ROBO2: variants seen among roughly 807,000 people sequenced by gnomAD.
ROBO2 encodes the protein roundabout homolog 2.
A neutral mutation model predicts 160.8 loss-of-function variants in ROBO2; 53 were observed. The observed-to-expected ratio is 0.33, with a 90% CI of 0.26 to 0.41. The LOEUF (loss-of-function observed/expected upper bound fraction) is 0.41. ROBO2 is among the 10% of genes least tolerant of loss of function. The pLI, the probability that ROBO2 is intolerant of heterozygous loss-of-function variation, is 1.00. For missense variants in ROBO2, 1,577 were observed against 1,722.4 expected (o/e 0.92, Z 1.49); for synonymous variants, 664 against 611.7 (o/e 1.09, Z -1.26).
intron 2 of ROBO2, among the ~76,000 whole-genome samples, chr3:77,401,478 G>A (rs1372017604): frequency 1.3e-5 from 2 of 152,078 alleles, no homozygotes; most frequent in African/African-American, 4.8e-5. Context: ...ATTAGATTTT[G>A]CACTGTACAT....
At chr3:77,194,793 A>G (rs2082167494) in intron 2 of ROBO2, among the ~76,000 whole-genome samples, 1 of 152,158 alleles carries the variant, frequency 6.6e-6, no homozygotes, top group South Asian at 2.1e-4. Context: ...AAATTGCATT[A>G]TTGGGTTATT....
intron 2 of ROBO2, among the ~76,000 whole-genome samples, chr3:76,333,344 A>T (rs1282535715): frequency 1.3e-5 from 2 of 152,176 alleles, no homozygotes; most frequent in Admixed American, 1.3e-4. Flanking sequence ...CCCTTCTGCA[A>T]GTGTACGCAG....
Position 76,513,996 on chromosome 3 carries a change from C to T in ROBO2, c.109+576394C>T, listed in dbSNP as rs563717568. Among the ~76,000 whole-genome samples, 12 of 152,258 alleles carry T rather than the reference C, an allele frequency of 7.9e-5. No homozygotes were observed. In the South Asian group the frequency reaches 2.1e-3, roughly 26 times the overall value. ...GGTGTTCAAATTTCCCCAAATGTCT[C>T]ATAAATATATGATTAGAATTGATGT... is the stretch of plus-strand genomic sequence containing the variant. On this transcript the variant is annotated intron_variant, in intron 2 of 26. Transcript: ENST00000487694.
rs75922169 is a variant in ROBO2, at chr3:76,203,662, G to A, written c.109+266060G>A. 1.4e-3 allele frequency among the ~76,000 whole-genome samples: 10 copies of A among 7,200 alleles called. No individual in the cohort carries two copies. In the South Asian group the frequency reaches 0.068, roughly 49 times the overall value. 4.7% of individuals were successfully genotyped at this position (7,200 alleles called of 152,430 possible). ...GATTGCCTCAGGCTATCGGCTTCCC[G>A]GTCAACAGATCACAGGTCACGGTTC... is the stretch of plus-strand genomic sequence containing the variant. On this transcript the variant is annotated intron_variant, in intron 2 of 26. Coordinates refer to the ROBO2 transcript ENST00000487694.
chr3:76,444,674 G>C (rs188153401), intron 2 of ROBO2, among the ~76,000 whole-genome samples: 1 of 152,094 alleles, frequency 6.6e-6, no homozygotes, highest in Non-Finnish European at 1.5e-5. Flanking sequence ...CCTTCCACTA[G>C]GTCTCTCCCT....
At chr3:77,213,286 T>G (rs898230472) in intron 2 of ROBO2, among the ~76,000 whole-genome samples, 1 of 152,176 alleles carries the variant, frequency 6.6e-6, no homozygotes, top group Non-Finnish European at 1.5e-5. Context: ...GAGATTCAAC[T>G]TCTTCCTGGT....
At chr3:75,985,916 G>C (rs901210271) in intron 2 of ROBO2, among the ~76,000 whole-genome samples, 2 of 151,414 alleles carry the variant, frequency 1.3e-5, no homozygotes, top group Non-Finnish European at 3.0e-5. Flanking sequence ...TTTTATTTGT[G>C]TACACCACAT....
chr3:77,293,016 T>G (rs1303129533), intron 2 of ROBO2, among the ~76,000 whole-genome samples: 1 of 147,620 alleles, frequency 6.8e-6, no homozygotes, highest in South Asian at 2.2e-4. Context: ...TGAGGCTAGA[T>G]CACCAAAGAC....
chr3:76,210,923 A>G (rs1212508551), intron 2 of ROBO2, among the ~76,000 whole-genome samples: 3 of 152,106 alleles, frequency 2.0e-5, no homozygotes, highest in African/African-American at 4.8e-5. Flanking sequence ...TGCACCTTCT[A>G]AAGTAATTAT....
intron 2 of ROBO2, among the ~76,000 whole-genome samples, chr3:76,039,174 G>A (rs898377773): frequency 6.6e-6 from 1 of 151,994 alleles, no homozygotes; most frequent in African/African-American, 2.4e-5. Flanking sequence ...AGAGAAGGAT[G>A]CGGTACAGTT....
intron 2 of ROBO2, among the ~76,000 whole-genome samples, chr3:76,510,019 C>T (rs1191791270): frequency 6.6e-6 from 1 of 152,084 alleles, no homozygotes; most frequent in Non-Finnish European, 1.5e-5. Context: ...CTTTTCTGCA[C>T]ATGCCCAGAT....
chr3:77,375,170 C>T (rs979761286), intron 2 of ROBO2, among the ~76,000 whole-genome samples: 10 of 152,238 alleles, frequency 6.6e-5, no homozygotes, highest in Non-Finnish European at 1.3e-4. Context: ...TATGATTGTG[C>T]TACTGTACCC....
chr3:77,482,013 G>A lies in ROBO2; in HGVS notation c.667+794G>A, dbSNP rs6770613. 5.9e-3 allele frequency among the ~76,000 whole-genome samples: 902 copies of A among 152,184 alleles called. 14 individuals carry two copies. Among genetic ancestry groups the A allele is most frequent in the African/African-American group, 0.021 (857 of 41,528 alleles). Reference sequence around the variant, plus strand: ...TACTCAAAAATGAAACACTCTTTTAGAATACATTCTATTTAAATTCTATTT... The same window carrying A: ...TACTCAAAAATGAAACACTCTTTTAAAATACATTCTATTTAAATTCTATTT... On this transcript the variant is annotated intron_variant, in intron 4 of 25. Transcript: ENST00000461745.
intron 2 of ROBO2, among the ~76,000 whole-genome samples, chr3:76,281,177 G>C (rs1224129826): frequency 6.6e-6 from 1 of 151,530 alleles, no homozygotes; most frequent in Non-Finnish European, 1.5e-5. Flanking sequence ...TCCACATGTG[G>C]GAATACTACC....
At chr3:76,345,647 G>A (rs1487148120) in intron 2 of ROBO2, among the ~76,000 whole-genome samples, 1 of 151,634 alleles carries the variant, frequency 6.6e-6, no homozygotes, top group Non-Finnish European at 1.5e-5. Flanking sequence ...AGTTTTGTAG[G>A]AGAAATGAAT....
Position 76,375,952 on chromosome 3 carries a change from C to T in ROBO2, c.109+438350C>T, listed in dbSNP as rs191432876. On this transcript the variant is annotated intron_variant, in intron 2 of 26. Coordinates refer to the ROBO2 transcript ENST00000487694. ...ATATTTGAATCATTTATCTTCTATG[C>T]CCTTCATAGGTACTTGGATTCTGTT... is the stretch of plus-strand genomic sequence containing the variant. Among the ~76,000 whole-genome samples the T allele has an allele frequency of 5.3e-5, 8 of 152,038 alleles. No homozygotes were observed. In the East Asian group the frequency reaches 1.6e-3, roughly 30 times the overall value.
chr3:76,374,118 T>C (rs1435750943), intron 2 of ROBO2, among the ~76,000 whole-genome samples: 2 of 151,966 alleles, frequency 1.3e-5, no homozygotes, highest in African/African-American at 4.8e-5. Context: ...AAAGCCAGTC[T>C]GAAGACAAAC....
At chr3:76,044,834 GTC>G (rs2067398136) in intron 2 of ROBO2, among the ~76,000 whole-genome samples, 4 of 152,062 alleles carry the variant, frequency 2.6e-5, no homozygotes, top group African/African-American at 9.7e-5. Context: ...TAGGTTAGCT[GTC>G]TCTGAGGAAA....
chr3:77,330,270 C>T (rs2065847494), intron 2 of ROBO2, among the ~76,000 whole-genome samples: 1 of 152,174 alleles, frequency 6.6e-6, no homozygotes, highest in African/African-American at 2.4e-5. Context: ...GTAATCCCAG[C>T]ACTTTGGGAG....
Sources: allele counts gnomAD v4.1 joint callset (sites outside exome capture counted in the v4.1 genomes callset), GRCh38; gene constraint gnomAD v4.1.1; transcripts MANE v1.5; gene names NCBI Gene and HGNC (gene_info 2026-07-23, HGNC 2026-07-21).